The following CERS6 variants were observed in gnomAD, a reference collection of about 807,000 sequenced individuals.
CERS6 encodes the protein LAG1 homolog, ceramide synthase 6.
In CERS6, 26 loss-of-function variants were observed where a neutral mutation model predicts 56.8. That is an observed-to-expected ratio of 0.46 (90% CI 0.34 to 0.63). The LOEUF (loss-of-function observed/expected upper bound fraction) is 0.63. Among genes scored for constraint, CERS6 ranks in the 30% least tolerant of loss-of-function variants. CERS6 has a pLI of 0.01. For synonymous variants in CERS6, 164 were observed against 173.3 expected (o/e 0.95, Z 0.42); for missense variants, 415 against 467.5 (o/e 0.89, Z 1.04).
At position 168,575,079 on chromosome 2, in the gene CERS6, G is replaced by A. The variant is rs150322918; in HGVS notation, c.407+13757G>A. Among the ~76,000 whole-genome samples the A allele has an allele frequency of 2.2e-4, 33 of 152,240 alleles. No individual in the cohort carries two copies. In the East Asian group the frequency reaches 6.2e-3, roughly 29 times the overall value. On this transcript the variant is annotated intron_variant, in intron 3 of 9. Coordinates refer to ENST00000305747, the MANE Select transcript of CERS6 (RefSeq NM_203463.3). Reference sequence around the variant, plus strand: ...GGGAGGTTTCTATCTTAGGCCAAGAGGACAGCTCTGACTGCCAGCTCTACC... The same window carrying A: ...GGGAGGTTTCTATCTTAGGCCAAGAAGACAGCTCTGACTGCCAGCTCTACC...
chr2:168,698,011 G>T (rs2105369134), intron 6 of CERS6, among the ~76,000 whole-genome samples: 1 of 152,220 alleles, frequency 6.6e-6, no homozygotes, highest in Middle Eastern at 3.4e-3. Flanking sequence ...AGTACCTGTG[G>T]CCAGGCATGG....
chr2:168,734,326 GGGGCAGATT>G (rs1288370467), intron 8 of CERS6, among the ~76,000 whole-genome samples: 1 of 152,192 alleles, frequency 6.6e-6, no homozygotes. Context: ...CTCACACCCT[GGGGCAGATT>G]CTGAGGGCAC....
At chr2:168,698,261 A>G (rs796558400) in intron 6 of CERS6, among the ~76,000 whole-genome samples, 665 of 23,674 alleles carry the variant, frequency 0.028, 8 homozygotes, top group African/African-American at 0.086. Flanking sequence ...AAAAGAAAAA[A>G]AAAAAAAAAA....
intron 1 of CERS6, among the ~76,000 whole-genome samples, chr2:168,545,514 T>C (rs1320313430): frequency 1.3e-5 from 2 of 152,146 alleles, no homozygotes; most frequent in Non-Finnish European, 2.9e-5. Flanking sequence ...TTTTGATTTT[T>C]TTTTTTTTGG....
At chr2:168,648,004 A>G (rs1041660126) in intron 4 of CERS6, among the ~76,000 whole-genome samples, 1 of 152,062 alleles carries the variant, frequency 6.6e-6, no homozygotes, top group Non-Finnish European at 1.5e-5. Context: ...AGGTTTTGGT[A>G]TCAGGATGAT....
At chr2:168,559,754 T>TATATATATA (rs56014027) in intron 2 of CERS6, among the ~76,000 whole-genome samples, 14 of 123,878 alleles carry the variant, frequency 1.1e-4, no homozygotes, top group South Asian at 5.6e-4. Flanking sequence ...TATATATATA[T>TATATATATA]TTCACCCTTA....
rs184537626 is a variant in CERS6 at position 168,727,518 on chromosome 2, C to G, written c.845+9540C>G. On this transcript the variant is annotated intron_variant, in intron 8 of 9. Coordinates refer to ENST00000305747, the MANE Select transcript of CERS6 (RefSeq NM_203463.3). ...GAGCCGAGATCGCGCCACTGCACTC[C>G]TGCCTGGAGACAGAGCGAGACTCCA... Among the ~76,000 whole-genome samples the G allele has an allele frequency of 2.3e-3, 344 of 150,266 alleles. 1 individual carries two copies. Among genetic ancestry groups the G allele is most frequent in the African/African-American group, 8.1e-3 (328 of 40,742 alleles).
chr2:168,460,460 G>C (rs1053606027), intron 1 of CERS6, among the ~76,000 whole-genome samples: 5 of 152,128 alleles, frequency 3.3e-5, no homozygotes, highest in African/African-American at 7.2e-5. Context: ...GCCTCCCAAA[G>C]TGCTGGGATT....
intron 3 of CERS6, among the ~76,000 whole-genome samples, chr2:168,570,972 A>G (rs571395038): frequency 6.6e-6 from 1 of 152,180 alleles, no homozygotes; most frequent in Non-Finnish European, 1.5e-5. Flanking sequence ...TGGTAAAGTT[A>G]TTTAATATCT....
intron 3 of CERS6, among the ~76,000 whole-genome samples, chr2:168,566,321 T>G (rs1677440462): frequency 6.6e-6 from 1 of 152,176 alleles, no homozygotes; most frequent in African/African-American, 2.4e-5. Flanking sequence ...CAGCTTAAGA[T>G]TCCCTTTTCT....
At chr2:168,476,223 TA>T (rs1196116310) in intron 1 of CERS6, among the ~76,000 whole-genome samples, 3 of 151,990 alleles carry the variant, frequency 2.0e-5, no homozygotes, top group African/African-American at 4.8e-5. Flanking sequence ...TTTTTTTTTT[TA>T]ATCACCCTTT....
Position 168,547,829 on chromosome 2 carries a change from G to A in CERS6, c.276+128G>A, listed in dbSNP as rs1202675017. 8 of 664,814 alleles carry A rather than the reference G, an allele frequency of 1.2e-5. No homozygotes were observed. The Admixed American group carries it at 1.7e-4, about 15-fold the overall frequency. 41.2% of individuals were successfully genotyped at this position (664,814 alleles called of 1,614,324 possible). On this transcript the variant is annotated intron_variant, in intron 2 of 9. Transcript: ENST00000305747. ...CTAGCCTTATGCTGGAGAACGTGTTGTCAGAAGGAATGCAAGCGTAGTAGA... is the reference window on the plus strand; with the variant it reads ...CTAGCCTTATGCTGGAGAACGTGTTATCAGAAGGAATGCAAGCGTAGTAGA...
chr2:168,653,182 C>A (rs6707065), intron 4 of CERS6, among the ~76,000 whole-genome samples: 2,586 of 152,058 alleles, frequency 0.017, 99 homozygotes, highest in East Asian at 0.15. Flanking sequence ...CAGGTCCCTC[C>A]GAAGAAAAAT....
rs533856435 is a variant in CERS6 at position 168,772,129 on chromosome 2, C to A, written c.*2467C>A. ...ATATGTGCAGTATCTCATCCTCCCC[C>A]TGTACCAGGCCATAGCTTTGAAGTG... On this transcript the variant is annotated 3_prime_UTR_variant, in exon 10 of 10. Transcript: ENST00000305747. 6.6e-6 allele frequency: 1 copy of A among 152,218 alleles called. No individual in the cohort carries two copies. Among genetic ancestry groups the A allele is most frequent in the African/African-American group, 2.4e-5 (1 of 41,456 alleles). 9.4% of individuals were successfully genotyped at this position (152,218 alleles called of 1,614,324 possible).
At chr2:168,684,334 G>A (rs907048993) in intron 4 of CERS6, among the ~76,000 whole-genome samples, 1 of 152,156 alleles carries the variant, frequency 6.6e-6, no homozygotes, top group Non-Finnish European at 1.5e-5. Context: ...TGCATTCTGG[G>A]AGTGCTCTCG....
At chr2:168,732,747 T>A (rs1683581749) in intron 8 of CERS6, among the ~76,000 whole-genome samples, 1 of 152,200 alleles carries the variant, frequency 6.6e-6, no homozygotes, top group African/African-American at 2.4e-5. Flanking sequence ...TCCCTTTTTT[T>A]AAAACTTGCT....
At chr2:168,718,013 C>T in intron 8 of CERS6, 35 bp downstream of exon 8, 2 of 1,432,696 alleles carry the variant, frequency 1.4e-6, no homozygotes, top group Non-Finnish European at 1.9e-6. Context: ...ATAGAGCCAC[C>T]CTTTCCAAAT....
At chr2:168,547,202 C>G (rs1365999001) in intron 1 of CERS6, among the ~76,000 whole-genome samples, 5 of 152,122 alleles carry the variant, frequency 3.3e-5, no homozygotes, top group Non-Finnish European at 5.9e-5. Flanking sequence ...TAATTAGATG[C>G]TTAGTAAACG....
At chr2:168,582,732 T>G (rs1211729432) in intron 3 of CERS6, among the ~76,000 whole-genome samples, 1 of 152,182 alleles carries the variant, frequency 6.6e-6, no homozygotes, top group Admixed American at 6.5e-5. Flanking sequence ...TCCAGTGCAA[T>G]TCCCAAATTT....
Sources: allele counts gnomAD v4.1 joint callset (sites outside exome capture counted in the v4.1 genomes callset), GRCh38; gene constraint gnomAD v4.1.1; transcripts MANE v1.5; gene names NCBI Gene and HGNC (gene_info 2026-07-23, HGNC 2026-07-21).